PHF20: variants seen among roughly 807,000 people sequenced by gnomAD.
PHF20 encodes the protein PHD finger protein 20, also known as glioma-expressed antigen 2.
A neutral mutation model predicts 113.5 loss-of-function variants in PHF20; 23 were observed. That is an observed-to-expected ratio of 0.20 (90% CI 0.15 to 0.29). The LOEUF (loss-of-function observed/expected upper bound fraction) is 0.29, where lower values mean the gene tolerates loss of function less well. PHF20 is among the 10% of genes least tolerant of loss of function. PHF20 has a pLI of 1.00. For synonymous variants in PHF20, 434 were observed against 457.3 expected (o/e 0.95, Z 0.65); for missense variants, 943 against 1,219.6 (o/e 0.77, Z 3.38).
chr20:35,842,139 A>T (rs983324865), intron 2 of PHF20, among the ~76,000 whole-genome samples: 1 of 152,078 alleles, frequency 6.6e-6, no homozygotes, highest in African/African-American at 2.4e-5. Context: ...TAAGGTCGGG[A>T]GTTCGAGACC....
At chr20:35,803,952 TCAAGTGATCCTCCTGCC>T (rs1244658869) in intron 2 of PHF20, among the ~76,000 whole-genome samples, 1 of 151,986 alleles carries the variant, frequency 6.6e-6, no homozygotes, top group Non-Finnish European at 1.5e-5. Context: ...ACTCCTGGGC[TCAAGTGATCCTCCTGCC>T]TTAGCCCTCC....
chr20:35,850,315 T>TTTTTTTTG (rs1435810837), intron 4 of PHF20, among the ~76,000 whole-genome samples: 7 of 124,348 alleles, frequency 5.6e-5, no homozygotes, highest in African/African-American at 1.9e-4. Flanking sequence ...TTTTTTTTTT[T>TTTTTTTTG]TTTTTTTTTT....
At chr20:35,821,826 T>C (rs1339241222) in intron 2 of PHF20, among the ~76,000 whole-genome samples, 1 of 152,180 alleles carries the variant, frequency 6.6e-6, no homozygotes, top group Admixed American at 6.5e-5. Context: ...GTCTGTATAA[T>C]TTTTGAAGGT....
intron 13 of PHF20, among the ~76,000 whole-genome samples, chr20:35,921,917 G>A (rs1318672293): frequency 6.6e-6 from 1 of 152,100 alleles, no homozygotes; most frequent in Non-Finnish European, 1.5e-5. Flanking sequence ...CCTCCTGGCA[G>A]GGCTATTCTG....
rs192063730 is a variant in PHF20 at position 35,948,222 on chromosome 20, A to G, written c.*595A>G. 6.6e-3 allele frequency: 1,005 copies of G among 152,958 alleles called. 10 individuals are homozygous for G. The highest frequency in any genetic ancestry group is 0.025 in the Admixed American group (385 of 15,332). 9.5% of individuals were successfully genotyped at this position (152,958 alleles called of 1,614,324 possible). A position where few individuals can be genotyped will look rare whatever the true frequency, so the allele number is the denominator to read the frequency against. The stretch of plus-strand genomic sequence containing the variant: ...GCATGACTTCATGGTACTGGGGACA[A>G]GTTTGTATGCCTTCACCCCAGAGCT... On this transcript the variant is annotated 3_prime_UTR_variant, in exon 18 of 18. Coordinates refer to ENST00000374012, the MANE Select transcript of PHF20 (RefSeq NM_016436.5).
Position 35,931,341 on chromosome 20 carries a change from C to T in PHF20, c.2197C>T (p.His733Tyr). The part of the protein sequence containing the change: ...GLAFLEENYS[H>Y]QNAKKIVATH... ...GGCATTTCTAGAAGAGAACTACTCC[C>T]ATCAGAATGCCAAGAAGATCGTGGC... The change falls in exon 15 of 18, where the codon CAT (histidine) becomes TAT (tyrosine). Residue 733 changes from histidine to tyrosine, a missense_variant. By Grantham distance (83) the His-to-Tyr change is moderately conservative. Coordinates refer to ENST00000374012, the MANE Select transcript of PHF20 (RefSeq NM_016436.5). 6.2e-7 allele frequency: 1 copy of T among 1,614,034 alleles called. No homozygotes were observed. Among genetic ancestry groups the T allele is most frequent in the Non-Finnish European group, 8.5e-7 (1 of 1,179,980 alleles).
intron 2 of PHF20, among the ~76,000 whole-genome samples, chr20:35,804,546 A>G (rs2041846713): frequency 6.6e-6 from 1 of 151,354 alleles, no homozygotes; most frequent in South Asian, 2.1e-4. Flanking sequence ...TAATTTATGT[A>G]CTTTTAGTAG....
intron 6 of PHF20, among the ~76,000 whole-genome samples, chr20:35,863,865 A>T (rs1189520479): frequency 1.3e-5 from 2 of 152,214 alleles, no homozygotes; most frequent in African/African-American, 2.4e-5. Context: ...GCATTTTGAA[A>T]TTGAGCTCCT....
intron 14 of PHF20, among the ~76,000 whole-genome samples, chr20:35,928,408 C>T (rs921741003): frequency 6.9e-6 from 1 of 144,674 alleles, no homozygotes; most frequent in African/African-American, 2.6e-5. Context: ...CAGTGCACTC[C>T]AGCCAGGGCA....
chr20:35,901,428 A>AAT (rs1196110385), intron 10 of PHF20, among the ~76,000 whole-genome samples: 1 of 152,030 alleles, frequency 6.6e-6, no homozygotes, highest in Admixed American at 6.6e-5. Flanking sequence ...AAAAAAAAAA[A>AAT]AAAAGTGTGC....
chr20:35,808,284 C>T (rs1035878352), intron 2 of PHF20, among the ~76,000 whole-genome samples: 3 of 151,942 alleles, frequency 2.0e-5, no homozygotes, highest in African/African-American at 7.3e-5. Flanking sequence ...CTTCTGTGTT[C>T]ATTGACTAGG....
At chr20:35,786,694 C>T (rs1462311226) in intron 1 of PHF20, among the ~76,000 whole-genome samples, 1 of 152,118 alleles carries the variant, frequency 6.6e-6, no homozygotes, top group Non-Finnish European at 1.5e-5. Flanking sequence ...GAGCTTGACT[C>T]CGTCTCAAAA....
intron 2 of PHF20, among the ~76,000 whole-genome samples, chr20:35,823,292 C>A (rs929874255): frequency 6.6e-6 from 1 of 151,766 alleles, no homozygotes; most frequent in Non-Finnish European, 1.5e-5. Flanking sequence ...TGACAGTTCA[C>A]GCAAGCCCCA....
intron 1 of PHF20, among the ~76,000 whole-genome samples, chr20:35,773,045 T>C (rs185231003): frequency 3.7e-4 from 56 of 152,344 alleles, no homozygotes; most frequent in African/African-American, 9.9e-4. Context: ...ACTGTATTAT[T>C]GGGGTTACAC....
chr20:35,822,846 TAAAA>T (rs780275666), intron 2 of PHF20, among the ~76,000 whole-genome samples: 1 of 55,536 alleles, frequency 1.8e-5, no homozygotes, highest in African/African-American at 7.4e-5. Context: ...ACCCTGCTTC[TAAAA>T]AAAAAAAAAA....
At chr20:35,865,738 A>G (rs1277868470) in intron 6 of PHF20, among the ~76,000 whole-genome samples, 4 of 152,048 alleles carry the variant, frequency 2.6e-5, no homozygotes, top group Admixed American at 2.6e-4. Flanking sequence ...GCCTCAAGCA[A>G]GCAATCCTGC....
In PHF20 at chr20:35,801,609, C is replaced by T. The variant is rs776377090; in HGVS notation, c.83+4C>T. ...CCCGGGACCGTTTAAAAAACTGGTA[C>T]TTTTACATTTTTCTGTTAATTAAAG... On this transcript the variant is annotated splice_donor_region_variant and intron_variant, in intron 2 of 17. Coordinates refer to ENST00000374012, the MANE Select transcript of PHF20 (RefSeq NM_016436.5). The T allele has an allele frequency of 1.3e-4, 204 of 1,600,688 alleles. No individual in the cohort carries two copies. The highest frequency in any genetic ancestry group is 1.4e-4 in the Non-Finnish European group (161 of 1,168,526).
At chr20:35,792,007 A>G (rs1314342421) in intron 1 of PHF20, among the ~76,000 whole-genome samples, 1 of 152,174 alleles carries the variant, frequency 6.6e-6, no homozygotes, top group Admixed American at 6.6e-5. Flanking sequence ...GGCCCTTTCC[A>G]CTGCTTCTGG....
chr20:35,919,759 G>C (rs1279904038), intron 13 of PHF20, among the ~76,000 whole-genome samples: 4 of 152,156 alleles, frequency 2.6e-5, no homozygotes, highest in Non-Finnish European at 5.9e-5. Flanking sequence ...GAGATGAGTA[G>C]ATGTATTTGC....
Sources: allele counts gnomAD v4.1 joint callset (sites outside exome capture counted in the v4.1 genomes callset), GRCh38; gene constraint gnomAD v4.1.1; transcripts MANE v1.5; gene names NCBI Gene and HGNC (gene_info 2026-07-23, HGNC 2026-07-21).